TASP1: variants seen among roughly 807,000 people sequenced by gnomAD.
TASP1 encodes taspase 1, also known as threonine aspartase 1.
Under a neutral mutation model 56.6 loss-of-function variants are expected in TASP1, and 16 were observed. The ratio of observed to expected loss-of-function variants is 0.28; its 90% CI spans 0.19 to 0.43. The LOEUF is 0.43. Ranked by LOEUF, TASP1 falls within the 20% of genes least tolerant of loss-of-function variation. TASP1 has a pLI of 1.00. For synonymous variants in TASP1, 179 were observed against 184.2 expected (o/e 0.97, Z 0.23); for missense variants, 393 against 511.6 (o/e 0.77, Z 2.24).
At chr20:13,473,126 G>A (rs1205695728) in intron 11 of TASP1, among the ~76,000 whole-genome samples, 2 of 152,076 alleles carry the variant, frequency 1.3e-5, no homozygotes, top group East Asian at 1.9e-4. Context: ...AGAAAATGTG[G>A]CACATATACA....
rs1049459508 is a variant in TASP1, at chr20:13,428,431, C to T, written c.1096+6613G>A. ...ATCCATTTATTAACCATACTATATA[C>T]GGCAGCCTCAATAAAGCACTTCTGT... On this transcript the variant is annotated intron_variant, in intron 12 of 13. Transcript: ENST00000337743. Among the ~76,000 whole-genome samples, 13 of 152,200 alleles carry T rather than the reference C, an allele frequency of 8.5e-5. 1 individual carries two copies. In the South Asian group the frequency reaches 1.9e-3, roughly 22 times the overall value.
chr20:13,427,508 T>C (rs932632182), intron 12 of TASP1, among the ~76,000 whole-genome samples: 2 of 152,288 alleles, frequency 1.3e-5, no homozygotes, highest in South Asian at 2.1e-4. Flanking sequence ...TAATAAATCA[T>C]ATACCATTTA....
At chr20:13,160,233 G>A in the TASP1 span, 10 of 1,389,606 alleles carry the variant, frequency 7.2e-6, no homozygotes, top group Admixed American at 1.3e-4. Context: ...TTTCTCTTGG[G>A]TTATTTAGGA....
chr20:13,406,291 T>C (rs1009316597), intron 13 of TASP1, among the ~76,000 whole-genome samples: 1 of 152,254 alleles, frequency 6.6e-6, no homozygotes, highest in African/African-American at 2.4e-5. Context: ...TTACTGTGTT[T>C]TCCAATCCAT....
the TASP1 span, among the ~76,000 whole-genome samples, chr20:13,116,173 GC>G: frequency 6.6e-5 from 10 of 152,162 alleles, no homozygotes; most frequent in Non-Finnish European, 1.2e-4. Context: ...TGTGCACACA[GC>G]CAGCTGGACT....
chr20:13,310,198 G>A, the TASP1 span, among the ~76,000 whole-genome samples: 3 of 152,138 alleles, frequency 2.0e-5, no homozygotes, highest in African/African-American at 7.2e-5. Flanking sequence ...TACTACAAAG[G>A]TGTAGTAATC....
the TASP1 span, among the ~76,000 whole-genome samples, chr20:13,110,932 G>A: frequency 2.0e-5 from 3 of 152,128 alleles, no homozygotes; most frequent in African/African-American, 7.2e-5. Flanking sequence ...AAGGAGGAGT[G>A]TGGCTACAAA....
chr20:13,200,577 T>G, the TASP1 span, among the ~76,000 whole-genome samples: 2 of 152,240 alleles, frequency 1.3e-5, no homozygotes, highest in Admixed American at 1.3e-4. Context: ...GAAAAAGCAC[T>G]GCCTTTAAAA....
At chr20:13,558,827 TTTTCTC>T in intron 8 of TASP1, among the ~76,000 whole-genome samples, 175 bp downstream of exon 8, 1 of 152,258 alleles carries the variant, frequency 6.6e-6, no homozygotes, top group South Asian at 2.1e-4. Flanking sequence ...TCTACTTTCT[TTTTCTC>T]TTTTATGAGC....
the TASP1 span, among the ~76,000 whole-genome samples, chr20:13,201,053 CA>C: frequency 6.6e-6 from 1 of 152,162 alleles, no homozygotes; most frequent in Non-Finnish European, 1.5e-5. Context: ...TGACAGTCTC[CA>C]ATGCCAGTCA....
the TASP1 span, chr20:13,239,010 C>T: frequency 7.3e-4 from 111 of 152,320 alleles, no homozygotes; most frequent in African/African-American, 2.6e-3. Flanking sequence ...GAGCTCCTTA[C>T]TGAGAGTGTG....
the TASP1 span, among the ~76,000 whole-genome samples, chr20:13,200,231 G>C: frequency 3.9e-5 from 6 of 152,202 alleles, no homozygotes; most frequent in Non-Finnish European, 8.8e-5. Flanking sequence ...TCAATGCCAA[G>C]TGTCAGTTGT....
the TASP1 span, among the ~76,000 whole-genome samples, chr20:13,381,843 G>A: frequency 6.6e-6 from 1 of 152,180 alleles, no homozygotes; most frequent in Non-Finnish European, 1.5e-5. Flanking sequence ...TGAAATATCT[G>A]ATTTATACAT....
chr20:13,345,948 A>G, the TASP1 span, among the ~76,000 whole-genome samples: 1 of 151,318 alleles, frequency 6.6e-6, no homozygotes, highest in Non-Finnish European at 1.5e-5. Flanking sequence ...AAAAGAATGA[A>G]GAACAGGACT....
the TASP1 span, among the ~76,000 whole-genome samples, chr20:13,123,659 T>C: frequency 6.6e-6 from 1 of 152,122 alleles, no homozygotes; most frequent in Non-Finnish European, 1.5e-5. Flanking sequence ...TCTCCCTCTC[T>C]TCCCAATTGA....
intron 11 of TASP1, among the ~76,000 whole-genome samples, chr20:13,481,295 T>C (rs1365743447): frequency 1.3e-5 from 2 of 152,198 alleles, no homozygotes; most frequent in Non-Finnish European, 2.9e-5. Flanking sequence ...ATTGTGTATA[T>C]GTGCCACGTT....
chr20:13,620,876 A>G (rs6042256), intron 4 of TASP1, among the ~76,000 whole-genome samples: 41,551 of 151,998 alleles, frequency 0.27, 7,442 homozygotes, highest in African/African-American at 0.51. Flanking sequence ...GACCCAAGCT[A>G]TTACAATACT....
At chr20:13,351,033 C>A in the TASP1 span, among the ~76,000 whole-genome samples, 1 of 151,270 alleles carries the variant, frequency 6.6e-6, no homozygotes, top group East Asian at 1.9e-4. Context: ...GTTGAACAGG[C>A]ACTTCTCCAA....
intron 11 of TASP1, among the ~76,000 whole-genome samples, chr20:13,449,811 A>G (rs1266222255): frequency 2.0e-5 from 3 of 152,116 alleles, no homozygotes; most frequent in African/African-American, 7.2e-5. Flanking sequence ...ACATATCCCT[A>G]TATAGTGAAT....
Sources: gnomAD v4.1 joint callset for allele counts (sites outside exome capture counted in the v4.1 genomes callset) on GRCh38, gnomAD v4.1.1 for gene constraint, MANE v1.5 for transcripts, NCBI Gene and HGNC (gene_info 2026-07-23, HGNC 2026-07-21) for gene names.